Variants in KCNG3 observed in about 807,000 individuals in gnomAD.
The protein encoded by KCNG3 is potassium voltage-gated channel modifier subfamily G member 3, also known as voltage-gated potassium channel regulatory subunit KCNG3.
A neutral mutation model predicts 29.0 loss-of-function variants in KCNG3; 15 were observed. That is an observed-to-expected ratio of 0.52 (90% CI 0.35 to 0.80). The LOEUF (loss-of-function observed/expected upper bound fraction) is 0.80, where lower values mean the gene tolerates loss of function less well. Ranked by LOEUF, KCNG3 falls within the 30% of genes least tolerant of loss-of-function variation. The pLI is 0.01. For synonymous variants in KCNG3, 322 were observed against 248.9 expected (o/e 1.29, Z -2.76); for missense variants, 512 against 605.7 (o/e 0.85, Z 1.62).
At chr2:42,401,686 C>T in the KCNG3 span, among the ~76,000 whole-genome samples, 1 of 152,134 alleles carries the variant, frequency 6.6e-6, no homozygotes, top group Non-Finnish European at 1.5e-5. Context: ...TCAAACAATC[C>T]TCCTGCCTCC....
At chr2:42,432,148 T>C in the KCNG3 span, among the ~76,000 whole-genome samples, 1 of 152,144 alleles carries the variant, frequency 6.6e-6, no homozygotes, top group Non-Finnish European at 1.5e-5. Context: ...GGCCCGTTGA[T>C]GGTCATCTCT....
intron 1 of KCNG3, among the ~76,000 whole-genome samples, chr2:42,472,878 G>T (rs917545188): frequency 4.9e-5 from 7 of 142,126 alleles, no homozygotes; most frequent in Admixed American, 1.5e-4. Flanking sequence ...TATATATATA[G>T]ATCTATCGAT....
rs115780256 is a variant in KCNG3, at chr2:42,478,420, G to A, written c.665+14417C>T. ...GCTAATTTTCTTAATTTGTAGAGAA[G>A]AGGTCTCATGATATTGCCCAGGCTG... On this transcript the variant is annotated intron_variant, in intron 1 of 1. Transcript: ENST00000306078. 4.9e-3 allele frequency among the ~76,000 whole-genome samples: 747 copies of A among 151,996 alleles called. 5 individuals carry two copies. The highest frequency in any genetic ancestry group is 0.017 in the African/African-American group (701 of 41,466).
chr2:42,430,579 T>C, the KCNG3 span, among the ~76,000 whole-genome samples: 15 of 151,676 alleles, frequency 9.9e-5, no homozygotes, highest in South Asian at 3.1e-3. Context: ...AGTTAGCCCT[T>C]GTCTGTACAA....
At chr2:42,433,292 T>C in the KCNG3 span, among the ~76,000 whole-genome samples, 1 of 152,278 alleles carries the variant, frequency 6.6e-6, no homozygotes, top group East Asian at 1.9e-4. Context: ...GATGGTTAAT[T>C]TTAGGTGTCA....
chr2:42,388,994 T>C, the KCNG3 span, among the ~76,000 whole-genome samples: 1 of 152,140 alleles, frequency 6.6e-6, no homozygotes, highest in Non-Finnish European at 1.5e-5. Flanking sequence ...CTCGGCTTAC[T>C]GTAACCCCTA....
chr2:42,408,280 T>C, the KCNG3 span, among the ~76,000 whole-genome samples: 3 of 152,080 alleles, frequency 2.0e-5, no homozygotes, highest in African/African-American at 7.2e-5. Context: ...TCAGGCCACA[T>C]AGGGCCTGAA....
the KCNG3 span, among the ~76,000 whole-genome samples, chr2:42,390,899 T>C: frequency 6.6e-6 from 1 of 152,194 alleles, no homozygotes; most frequent in Non-Finnish European, 1.5e-5. Flanking sequence ...TGGACTCTTT[T>C]CAGCAAGGTT....
downstream of KCNG3, among the ~76,000 whole-genome samples, chr2:42,439,152 T>C (rs1375477299): frequency 1.3e-5 from 2 of 152,158 alleles, no homozygotes; most frequent in Non-Finnish European, 2.9e-5. Context: ...AAATCTGAGT[T>C]ACTTATGCAT....
chr2:42,406,820 CCTT>C, the KCNG3 span, among the ~76,000 whole-genome samples: 4 of 64,430 alleles, frequency 6.2e-5, no homozygotes, highest in Non-Finnish European at 3.2e-5. Context: ...GGGTGAGACT[CCTT>C]CTCAAAAAAA....
intron 1 of KCNG3, among the ~76,000 whole-genome samples, chr2:42,467,740 C>T (rs1276946800): frequency 1.3e-5 from 2 of 151,030 alleles, no homozygotes; most frequent in African/African-American, 4.9e-5. Flanking sequence ...GAGGCCAAGG[C>T]AGGCAGACTG....
At chr2:42,477,416 C>G (rs1463404705) in intron 1 of KCNG3, among the ~76,000 whole-genome samples, 2 of 47,472 alleles carry the variant, frequency 4.2e-5, no homozygotes, top group African/African-American at 1.1e-4. Context: ...CACACACACA[C>G]ACACACATAT....
intron 1 of KCNG3, among the ~76,000 whole-genome samples, chr2:42,474,697 A>G (rs1284574094): frequency 6.6e-6 from 1 of 152,066 alleles, no homozygotes; most frequent in African/African-American, 2.4e-5. Context: ...TTTTGCCCTG[A>G]TATATTTTTT....
chr2:42,493,482 C>T lies in KCNG3; in HGVS notation c.20G>A (p.Gly7Glu). The T allele has an allele frequency of 1.4e-6, 2 of 1,419,140 alleles. No homozygotes were observed. The highest frequency in any genetic ancestry group is 2.7e-5 in the East Asian group (1 of 36,832). 87.9% of individuals were successfully genotyped at this position (1,419,140 alleles called of 1,614,324 possible). Residue 7 changes from glycine (G) to glutamate (E), a missense_variant, in exon 1 of 2, where the codon GGG (glycine) becomes GAG (glutamate). Around this residue, in one of 5 missense-constraint regions of KCNG3, gnomAD observed 18 missense variants for 36.1 expected, o/e 0.50. Coordinates refer to ENST00000306078, the MANE Select transcript of KCNG3 (RefSeq NM_133329.6). Reference protein sequence around the residue: MTFGRSGAASVVLNVGG... With the variant: MTFGRSEAASVVLNVGG... ...CACGTTCAGCACCACCGAGGCCGCCCCGCTGCGCCCGAAGGTCATGGCTGG... is the reference window on the plus strand; with the variant it reads ...CACGTTCAGCACCACCGAGGCCGCCTCGCTGCGCCCGAAGGTCATGGCTGG...
At chr2:42,487,017 C>A (rs1195013196) in intron 1 of KCNG3, among the ~76,000 whole-genome samples, 1 of 151,694 alleles carries the variant, frequency 6.6e-6, no homozygotes, top group East Asian at 2.0e-4. Flanking sequence ...ATTAGCCGGG[C>A]ATGGTGGCGG....
At chr2:42,456,891 A>T (rs1226672896) in intron 1 of KCNG3, among the ~76,000 whole-genome samples, 2 of 152,194 alleles carry the variant, frequency 1.3e-5, no homozygotes, top group Non-Finnish European at 2.9e-5. Flanking sequence ...TCATGTCCTT[A>T]TAAGAGTTTT....
chr2:42,451,379 A>G lies in KCNG3; in HGVS notation c.666-6800T>C, dbSNP rs1236953375. ...GACTGCTTGAGCCCAGGAGTACAAG[A>G]CCAGCCTGGGCAACAAAGCAAGACC... On this transcript the variant is annotated intron_variant, in intron 1 of 1. Coordinates refer to ENST00000306078, the MANE Select transcript of KCNG3 (RefSeq NM_133329.6). Among the ~76,000 whole-genome samples, 3 of 151,624 alleles carry G rather than the reference A, an allele frequency of 2.0e-5. No homozygotes were observed. The East Asian group carries it at 5.8e-4, about 29-fold the overall frequency.
chr2:42,398,868 C>G, the KCNG3 span, among the ~76,000 whole-genome samples: 1 of 152,116 alleles, frequency 6.6e-6, no homozygotes, highest in East Asian at 1.9e-4. Flanking sequence ...ACATTACTGA[C>G]TCGAAGAGAG....
intron 1 of KCNG3, among the ~76,000 whole-genome samples, chr2:42,483,972 G>A (rs1458725944): frequency 1.3e-5 from 2 of 151,996 alleles, no homozygotes; most frequent in African/African-American, 2.4e-5. Context: ...TTGTAGAGAC[G>A]GGATTTCGCC....
Sources: allele counts gnomAD v4.1 joint callset (sites outside exome capture counted in the v4.1 genomes callset), GRCh38; gene constraint gnomAD v4.1.1; regional missense constraint gnomAD v4.1.1; transcripts MANE v1.5; gene names NCBI Gene and HGNC (gene_info 2026-07-23, HGNC 2026-07-21).